Variants in ROBO2 observed in about 807,000 individuals in gnomAD.
ROBO2 encodes roundabout homolog 2.
Under a neutral mutation model 160.8 loss-of-function variants are expected in ROBO2, and 53 were observed. The observed-to-expected ratio is 0.33, with a 90% confidence interval of 0.26 to 0.41. The LOEUF is 0.41. Ranked by LOEUF, ROBO2 falls within the 10% of genes least tolerant of loss-of-function variation. The pLI is 1.00. For missense variants in ROBO2, 1,577 were observed against 1,722.4 expected (o/e 0.92, Z 1.49); for synonymous variants, 664 against 611.7 (o/e 1.09, Z -1.26).
chr3:76,204,769 C>G (rs1245620786), intron 2 of ROBO2, among the ~76,000 whole-genome samples: 3 of 152,018 alleles, frequency 2.0e-5, no homozygotes, highest in African/African-American at 4.8e-5. Flanking sequence ...TGCAGATATC[C>G]CATTATGTGC....
intron 2 of ROBO2, among the ~76,000 whole-genome samples, chr3:76,813,553 T>A (rs1252769546): frequency 2.0e-5 from 3 of 152,206 alleles, no homozygotes; most frequent in African/African-American, 7.2e-5. Flanking sequence ...CTCTAATTTA[T>A]GCTTTTTGAG....
At chr3:77,602,436 A>G (rs754478075) in exon 20 of ROBO2, 4 of 1,613,996 alleles carry the variant, frequency 2.5e-6, no homozygotes, top group Non-Finnish European at 1.7e-6. Flanking sequence ...TTCAGCAAAA[A>G]ACAGATCTGA....
At chr3:77,334,860 C>T (rs183371295) in intron 2 of ROBO2, among the ~76,000 whole-genome samples, 73 of 152,210 alleles carry the variant, frequency 4.8e-4, no homozygotes, top group African/African-American at 1.7e-3. Flanking sequence ...AGAGAATTTC[C>T]TGTATTCCCT....
At chr3:76,028,082 G>T (rs1366214429) in intron 2 of ROBO2, among the ~76,000 whole-genome samples, 6 of 151,920 alleles carry the variant, frequency 3.9e-5, no homozygotes, top group Non-Finnish European at 7.4e-5. Context: ...CTTTTAGATG[G>T]ATGAAATGTT....
At chr3:76,595,282 T>C (rs908711552) in intron 2 of ROBO2, among the ~76,000 whole-genome samples, 2 of 151,954 alleles carry the variant, frequency 1.3e-5, no homozygotes, top group East Asian at 3.9e-4. Context: ...AATATATATA[T>C]ACATAGAACA....
intron 2 of ROBO2, among the ~76,000 whole-genome samples, chr3:76,556,657 T>A (rs2083812344): frequency 6.6e-6 from 1 of 152,156 alleles, no homozygotes; most frequent in Admixed American, 6.6e-5. Flanking sequence ...GACAAAAATA[T>A]GTGTTTATGT....
At chr3:76,441,778 G>A (rs2076935981) in intron 2 of ROBO2, among the ~76,000 whole-genome samples, 1 of 152,168 alleles carries the variant, frequency 6.6e-6, no homozygotes, top group Admixed American at 6.5e-5. Context: ...AATAATAAGA[G>A]GAATAACTTG....
chr3:76,806,589 C>G (rs1418279055), intron 2 of ROBO2, among the ~76,000 whole-genome samples: 1 of 151,958 alleles, frequency 6.6e-6, no homozygotes, highest in Non-Finnish European at 1.5e-5. Flanking sequence ...TGAAATAAGG[C>G]ACTTCAGCTT....
intron 2 of ROBO2, among the ~76,000 whole-genome samples, chr3:76,551,103 C>A (rs1578086539): frequency 6.6e-6 from 1 of 151,994 alleles, no homozygotes; most frequent in African/African-American, 2.4e-5. Context: ...GTGCTTTTTC[C>A]AGTCCCACCC....
At chr3:77,205,588 G>A (rs560052390) in intron 2 of ROBO2, among the ~76,000 whole-genome samples, 3 of 152,110 alleles carry the variant, frequency 2.0e-5, no homozygotes, top group Middle Eastern at 3.4e-3. Flanking sequence ...AGGGCAGCAG[G>A]TATCCAGACT....
At chr3:76,018,619 T>C (rs1402818263) in intron 2 of ROBO2, among the ~76,000 whole-genome samples, 1 of 151,972 alleles carries the variant, frequency 6.6e-6, no homozygotes, top group Non-Finnish European at 1.5e-5. Context: ...AAAAAATTGT[T>C]TTTTTCTGAC....
rs567459525 is a variant in ROBO2 at position 76,118,153 on chromosome 3, A to G, written c.109+180551A>G. ...GAACTTAAAGTATAATAAAACAAAGACACCAATTTGAAAAGAGAAAAAAAA... is the reference window on the plus strand; with the variant it reads ...GAACTTAAAGTATAATAAAACAAAGGCACCAATTTGAAAAGAGAAAAAAAA... On this transcript the variant is annotated intron_variant, in intron 2 of 26. Transcript: ENST00000487694. Among the ~76,000 whole-genome samples the G allele has an allele frequency of 5.1e-4, 78 of 152,266 alleles. No homozygotes were observed. In the South Asian group the frequency reaches 0.011, roughly 22 times the overall value.
chr3:76,523,970 C>CTGTG (rs972817951), intron 2 of ROBO2, among the ~76,000 whole-genome samples: 3 of 131,938 alleles, frequency 2.3e-5, no homozygotes, highest in East Asian at 4.1e-4. Context: ...AGTGAATATG[C>CTGTG]TGTGTGTGTG....
chr3:77,622,479 A>C (rs2153706170), intron 23 of ROBO2, 47 bp downstream of exon 24: 1 of 1,498,606 alleles, frequency 6.7e-7, no homozygotes, highest in South Asian at 1.1e-5. Context: ...TGGTAACATT[A>C]AAATGCATCA....
chr3:76,212,123 G>A (rs896232296), intron 2 of ROBO2, among the ~76,000 whole-genome samples: 1 of 151,786 alleles, frequency 6.6e-6, no homozygotes, highest in Non-Finnish European at 1.5e-5. Context: ...CTTTAAGTAG[G>A]TGAACCAGCT....
chr3:77,548,684 A>C (rs1316974158), intron 7 of ROBO2, among the ~76,000 whole-genome samples: 1 of 151,948 alleles, frequency 6.6e-6, no homozygotes, highest in Non-Finnish European at 1.5e-5. Context: ...AATTCCAGAG[A>C]TATTAATGTT....
intron 2 of ROBO2, among the ~76,000 whole-genome samples, chr3:77,319,338 T>G (rs2064416178): frequency 6.6e-6 from 1 of 152,226 alleles, no homozygotes; most frequent in South Asian, 2.1e-4. Context: ...AATAAGGATT[T>G]TTATCACAGT....
At chr3:77,583,096 C>T (rs2093959778) in intron 16 of ROBO2, among the ~76,000 whole-genome samples, 1 of 141,450 alleles carries the variant, frequency 7.1e-6, no homozygotes, top group South Asian at 2.3e-4. Flanking sequence ...GAGCTGAGAT[C>T]GTGCCACCAC....
chr3:77,263,497 C>CA (rs1423683979), intron 2 of ROBO2, among the ~76,000 whole-genome samples: 3 of 152,170 alleles, frequency 2.0e-5, no homozygotes, highest in African/African-American at 7.2e-5. Flanking sequence ...GGAGTGAGAA[C>CA]ATGTGGTATT....
Sources: gnomAD v4.1 joint callset for allele counts (sites outside exome capture counted in the v4.1 genomes callset) on GRCh38, gnomAD v4.1.1 for gene constraint, MANE v1.5 for transcripts, NCBI Gene and HGNC (gene_info 2026-07-23, HGNC 2026-07-21) for gene names.